Variants in HMCN2 observed in about 807,000 individuals in gnomAD.
The protein encoded by HMCN2 is hemicentin 2, also known as hemicentin-2.
In HMCN2, 325 loss-of-function variants were observed where a neutral mutation model predicts 377.5. The ratio of observed to expected loss-of-function variants is 0.86; its 90% confidence interval spans 0.79 to 0.94. The LOEUF (loss-of-function observed/expected upper bound fraction) is 0.94, where lower values mean the gene tolerates loss of function less well. HMCN2 is among the 40% of genes least tolerant of loss of function. The pLI, the probability that HMCN2 is intolerant of heterozygous loss-of-function variation, is 0.00. For missense variants in HMCN2, 4,543 were observed against 4,725.3 expected, an observed-to-expected ratio of 0.96 and a Z score of 1.13; for synonymous variants, 2,007 against 2,046.8, an observed-to-expected ratio of 0.98 and a Z score of 0.53.
In HMCN2 at chr9:130,429,579, G is replaced by T. The variant is rs1307924595; in HGVS notation, c.14220G>T (p.Gly4740=). The change falls in exon 94 of 98, where the codon GGG becomes GGT. Residue 4740 remains glycine, a synonymous_variant. Coordinates refer to ENST00000683500, the MANE Select transcript of HMCN2 (RefSeq NM_001291815.2). ...GCEDVDECLE[G]LDDCHYNQLC... is the part of the protein sequence containing the mutation. ...CAGATGTGGACGAATGCCTGGAGGGGTTGGACGACTGTCACTACAACCAGC... is the reference window on the plus strand; with the variant it reads ...CAGATGTGGACGAATGCCTGGAGGGTTTGGACGACTGTCACTACAACCAGC... 2.6e-6 allele frequency: 4 copies of T among 1,550,388 alleles called. No individual in the cohort carries two copies. Among genetic ancestry groups the T allele is most frequent in the Non-Finnish European group, 3.5e-6 (4 of 1,146,790 alleles).
At chr9:130,375,781 T>C (rs1841345164) in intron 50 of HMCN2, 45 bp downstream of exon 50, 3 of 983,862 alleles carry the variant, frequency 3.0e-6, no homozygotes, top group Non-Finnish European at 3.6e-6. Context: ...AGGTGACATG[T>C]CATCAGAATT....
intron 4 of HMCN2, among the ~76,000 whole-genome samples, chr9:130,290,868 A>G (rs1554929844): frequency 6.6e-6 from 1 of 151,938 alleles, no homozygotes; most frequent in Non-Finnish European, 1.5e-5. Flanking sequence ...GTCTGAAAAA[A>G]AAAAAAAAAA....
At chr9:130,268,400 C>G (rs1554919981) in intron 1 of HMCN2, among the ~76,000 whole-genome samples, 1 of 124,432 alleles carries the variant, frequency 8.0e-6, no homozygotes, top group African/African-American at 2.5e-5. Context: ...GGGGAGACTT[C>G]AGCACCATGG....
chr9:130,382,160 G>A, intron 54 of HMCN2, 24 bp from the exon 55 acceptor site: 1 of 975,498 alleles, frequency 1.0e-6, no homozygotes, highest in African/African-American at 1.8e-5. Flanking sequence ...CCTGAGCCCA[G>A]GCCTCTGTCC....
intron 95 of HMCN2, 67 bp from the exon 96 acceptor site, chr9:130,431,300 G>C (rs1373761210): frequency 6.8e-7 from 1 of 1,467,770 alleles, no homozygotes; most frequent in Non-Finnish European, 9.2e-7. Flanking sequence ...GGCCACGTTG[G>C]TGTCTGTGGC....
At position 130,431,332 on chromosome 9, in the gene HMCN2, A is replaced by G. The variant is rs534179510; in HGVS notation, c.14648-35A>G. ...TGGCTCAGTGCGTCTCTCTGCCCCC[A>G]TCCCCCACCTGCCCCACCCCCATGC... On this transcript the variant is annotated intron_variant, in intron 95 of 97. Transcript: ENST00000683500. The G allele has an allele frequency of 8.5e-6, 12 of 1,417,606 alleles. No homozygotes were observed. The Admixed American group carries it at 1.8e-4, about 21-fold the overall frequency. 87.8% of individuals were successfully genotyped at this position (1,417,606 alleles called of 1,614,324 possible).
chr9:130,330,481 T>C (rs1433674667), intron 22 of HMCN2, among the ~76,000 whole-genome samples: 3 of 152,190 alleles, frequency 2.0e-5, no homozygotes, highest in Non-Finnish European at 4.4e-5. Context: ...ACGTGGAACC[T>C]GACCCTGCAG....
chr9:130,335,022 G>A (rs1259313167), intron 22 of HMCN2, among the ~76,000 whole-genome samples: 1 of 152,044 alleles, frequency 6.6e-6, no homozygotes, highest in Non-Finnish European at 1.5e-5. Context: ...TTTTTGTAGA[G>A]ATGAGGTCTC....
At position 130,418,912 on chromosome 9, in the gene HMCN2, C is replaced by A; in HGVS notation, c.13102C>A (p.Arg4368=). 1 of 1,548,574 alleles carries A rather than the reference C, an allele frequency of 6.5e-7. No homozygotes were observed. The highest frequency in any genetic ancestry group is 8.7e-7 in the Non-Finnish European group (1 of 1,145,776). ...GGGTCAACCCTTGCGGGCCAGCCGG[C>A]GGCTCCGGACCCTGCCCGATGGGAG... ...QAGQPLRASR[R]LRTLPDGSLW... The change falls in exon 86 of 98, where the codon CGG becomes AGG. Residue 4368 remains arginine, a synonymous_variant. Coordinates refer to ENST00000683500, the MANE Select transcript of HMCN2 (RefSeq NM_001291815.2).
chr9:130,359,209 A>C (rs183778959), intron 36 of HMCN2, 110 bp from the exon 37 acceptor site: 38 of 443,962 alleles, frequency 8.6e-5, no homozygotes, highest in Non-Finnish European at 1.2e-4. Context: ...TAGAGCCCTT[A>C]GTCTAGGATT....
Position 130,371,063 on chromosome 9 carries a change from C to T in HMCN2, c.7169C>T (p.Pro2390Leu). 1.0e-6 allele frequency: 1 copy of T among 985,968 alleles called. No individual in the cohort carries two copies. Among genetic ancestry groups the T allele is most frequent in the South Asian group, 4.7e-5 (1 of 21,292 alleles). The allele number at this position is 985,968 out of a possible 1,614,324, so 61.1% of individuals were successfully genotyped here. Residue 2390 changes from proline to leucine, a missense_variant, in exon 46 of 98, where the codon CCT becomes CTT. This residue lies in a region of HMCN2 where 1,032 missense variants were observed against 1,285.1 expected (regional missense o/e 0.80). Coordinates refer to ENST00000683500, the MANE Select transcript of HMCN2 (RefSeq NM_001291815.2). ...TLLCEAMGIP[P>L]PAIRWFRGEE... Reference sequence around the variant, plus strand: ...CTCTGTGAAGCCATGGGGATCCCACCTCCAGCCATCCGCTGGTTCCGAGGG... The same window carrying T: ...CTCTGTGAAGCCATGGGGATCCCACTTCCAGCCATCCGCTGGTTCCGAGGG...
Position 130,351,348 on chromosome 9 carries a change from C to A in HMCN2, c.4431-75C>A, listed in dbSNP as rs1839703689. On this transcript the variant is annotated intron_variant, in intron 29 of 97. Coordinates refer to ENST00000683500, the MANE Select transcript of HMCN2 (RefSeq NM_001291815.2). This position sits in a 1 kb window ranked among gnomAD's most constrained non-coding sequence, Gnocchi z 5.4. ...GCCCAGCCTCGCTTTTTACAAGCCA[C>A]ACACTCCCTGTGTGCAGCGTGTCCC... The A allele has an allele frequency of 7.7e-6, 9 of 1,162,298 alleles. No individual in the cohort carries two copies. The highest frequency in any genetic ancestry group is 1.0e-5 in the Non-Finnish European group (9 of 893,840). 72.0% of individuals were successfully genotyped at this position (1,162,298 alleles called of 1,614,324 possible).
Position 130,384,689 on chromosome 9 carries a change from C to CCA in HMCN2, c.9001_9002dup (p.Leu3002ArgfsTer53). ...GGGGCTGGCTTCCCCCGGCAGGCACCCACACGCTGCAGCTGGGGAGAGCAC... is the reference window on the plus strand; with the variant it reads ...GGGGCTGGCTTCCCCCGGCAGGCACCCACACACGCTGCAGCTGGGGAGAGCAC... On this transcript the variant is annotated frameshift_variant, in exon 59 of 98. Transcript: ENST00000683500. LOFTEE classifies it high-confidence loss of function. The CCA allele has an allele frequency of 7.7e-7, 1 of 1,302,478 alleles. No individual in the cohort carries two copies. Among genetic ancestry groups the CCA allele is most frequent in the Non-Finnish European group, 1.0e-6 (1 of 988,874 alleles). 80.7% of individuals were successfully genotyped at this position (1,302,478 alleles called of 1,614,324 possible).
At chr9:130,366,108 T>C in intron 43 of HMCN2, 113 bp downstream of exon 43, 1 of 789,190 alleles carries the variant, frequency 1.3e-6, no homozygotes, top group Non-Finnish European at 1.5e-6. Context: ...GGGGGTCTTA[T>C]ACCTCGAGGG....
At chr9:130,367,403 C>T (rs1197366674) in intron 43 of HMCN2, among the ~76,000 whole-genome samples, 1 of 152,014 alleles carries the variant, frequency 6.6e-6, no homozygotes, top group African/African-American at 2.4e-5. Flanking sequence ...GGTCTGCTTC[C>T]CTGATGGGAC....
intron 79 of HMCN2, 90 bp from the exon 80 acceptor site, chr9:130,403,651 C>G: frequency 8.4e-7 from 1 of 1,195,098 alleles, no homozygotes. Flanking sequence ...AAGTCATTTG[C>G]TGCCTGTGAG....
rs890004202 is a variant in HMCN2, at chr9:130,431,225, G to A, written c.14648-142G>A. 11 of 837,038 alleles carry A rather than the reference G, an allele frequency of 1.3e-5. 1 individual carries two copies. In the South Asian group the frequency reaches 1.9e-4, roughly 15 times the overall value. 51.9% of individuals were successfully genotyped at this position (837,038 alleles called of 1,614,324 possible). ...AGGGACTCCCCCAACCCCTGAACCT[G>A]GGCTGGGAGGGGCAGGACAGGGAGA... On this transcript the variant is annotated intron_variant, in intron 95 of 97. Transcript: ENST00000683500.
chr9:130,417,521 C>CAA lies in HMCN2; in HGVS notation c.12962-1236_12962-1235dup, dbSNP rs397893236. On this transcript the variant is annotated intron_variant, in intron 85 of 97. Coordinates refer to ENST00000683500, the MANE Select transcript of HMCN2 (RefSeq NM_001291815.2). The stretch of plus-strand genomic sequence containing the variant: ...TAGGTAACAGAGTGAGACTCCGTCT[C>CAA]AAAAAAAAAAAAAAAACAAAAAAAA... Among the ~76,000 whole-genome samples the CAA allele has an allele frequency of 6.6e-3, 314 of 47,258 alleles. 16 individuals carry two copies. Among genetic ancestry groups the CAA allele is most frequent in the African/African-American group, 0.019 (170 of 9,160 alleles). The allele number at this position is 47,258 out of a possible 152,430, so 31.0% of individuals were successfully genotyped here. A position where few individuals can be genotyped will look rare whatever the true frequency, so the allele number is the denominator to read the frequency against.
chr9:130,307,306 G>A (rs1024769936), intron 13 of HMCN2, 147 bp from the exon 14 acceptor site: 1 of 419,550 alleles, frequency 2.4e-6, no homozygotes, highest in Non-Finnish European at 5.0e-6. Flanking sequence ...GGACCGGGAG[G>A]GGGCATTGAA....
Sources: gnomAD v4.1 joint callset for allele counts (sites outside exome capture counted in the v4.1 genomes callset) on GRCh38, gnomAD v4.1.1 for gene constraint, gnomAD v4.1.1 regional missense constraint, Gnocchi (gnomAD v3.1) non-coding constraint, MANE v1.5 for transcripts, NCBI Gene and HGNC (gene_info 2026-07-23, HGNC 2026-07-21) for gene names.